PTPRQ: variants seen among roughly 807,000 people sequenced by gnomAD.
The protein encoded by PTPRQ is phosphatidylinositol phosphatase PTPRQ.
PTPRQ carries 199 observed loss-of-function variants against 246.0 expected under a neutral mutation model. The observed-to-expected ratio is 0.81, with a 90% CI of 0.72 to 0.91. PTPRQ has a LOEUF of 0.91. Ranked by LOEUF, PTPRQ falls within the 40% of genes least tolerant of loss-of-function variation. The probability of loss-of-function intolerance (pLI) is 0.00; values close to 1 mark genes in which losing one functional copy is unlikely to be tolerated. For synonymous variants in PTPRQ, 869 were observed against 853.2 expected (o/e 1.02, Z -0.32); for missense variants, 2,624 against 2,528.4 (o/e 1.04, Z -0.81).
chr12:80,662,816 A>C (rs1900673403), intron 39 of PTPRQ, among the ~76,000 whole-genome samples: 1 of 151,978 alleles, frequency 6.6e-6, no homozygotes, highest in Non-Finnish European at 1.5e-5. Flanking sequence ...AGCTTTAAAA[A>C]CCAGTAAACT....
In PTPRQ at chr12:80,459,273, C is replaced by T. The variant is rs1306485740; in HGVS notation, c.461-11C>T. ...CAAAGTTTTTTCCTTCCCAATCTTT[C>T]TCTTCCCCAGCTCCAGGAAAAGTGG... is the stretch of plus-strand genomic sequence containing the variant. On this transcript the variant is annotated splice_polypyrimidine_tract_variant and intron_variant, in intron 4 of 44. Transcript: ENST00000644991. 2 of 398,216 alleles carry T rather than the reference C, an allele frequency of 5.0e-6. No individual in the cohort carries two copies. The highest frequency in any genetic ancestry group is 8.9e-6 in the Non-Finnish European group (2 of 225,874). The allele number at this position is 398,216 out of a possible 1,614,324, so 24.7% of individuals were successfully genotyped here. A position where few individuals can be genotyped will look rare whatever the true frequency, so the allele number is the denominator to read the frequency against.
intron 26 of PTPRQ, among the ~76,000 whole-genome samples, chr12:80,600,893 A>T (rs900384675): frequency 2.0e-5 from 3 of 151,634 alleles, no homozygotes; most frequent in Admixed American, 6.6e-5. Context: ...TTCCTCTCGG[A>T]TTCTCTCATT....
At chr12:80,523,166 G>A (rs1315791423) in intron 17 of PTPRQ, among the ~76,000 whole-genome samples, 2 of 152,006 alleles carry the variant, frequency 1.3e-5, no homozygotes, top group African/African-American at 4.8e-5. Context: ...TGTTTATAGT[G>A]TTCTCTCATG....
chr12:80,596,492 C>G (rs1488379454), intron 26 of PTPRQ, among the ~76,000 whole-genome samples: 2 of 151,402 alleles, frequency 1.3e-5, no homozygotes, highest in African/African-American at 2.4e-5. Context: ...AAATTTTCTC[C>G]CCATTAATAG....
chr12:80,526,194 G>A (rs1429148532), intron 17 of PTPRQ, among the ~76,000 whole-genome samples: 2 of 152,124 alleles, frequency 1.3e-5, no homozygotes, highest in African/African-American at 2.4e-5. Flanking sequence ...TGGAGACAGG[G>A]TATGAATTGG....
At chr12:80,571,808 G>T (rs1238150994) in intron 25 of PTPRQ, among the ~76,000 whole-genome samples, 2 of 151,770 alleles carry the variant, frequency 1.3e-5, no homozygotes, top group Non-Finnish European at 2.9e-5. Context: ...ATAATAAATT[G>T]ATATAGGTCA....
chr12:80,450,506 C>A (rs1287391197), intron 3 of PTPRQ, among the ~76,000 whole-genome samples: 1 of 152,158 alleles, frequency 6.6e-6, no homozygotes, highest in East Asian at 1.9e-4. Context: ...ATGATATTGG[C>A]TGTGGGTTTG....
chr12:80,605,869 G>C lies in PTPRQ; in HGVS notation c.4731+689G>C, dbSNP rs148969397. Among the ~76,000 whole-genome samples, 367 of 151,232 alleles carry C rather than the reference G, an allele frequency of 2.4e-3. 1 individual carries two copies. The highest frequency in any genetic ancestry group is 8.0e-3 in the African/African-American group (330 of 41,434). On this transcript the variant is annotated intron_variant, in intron 27 of 44. Transcript: ENST00000644991. The stretch of plus-strand genomic sequence containing the variant: ...CCAGTTGGTGATACAGATTTCTACT[G>C]TATAACATAGGCATGGTTGCAGTGT...
chr12:80,473,692 T>A (rs970338014), intron 8 of PTPRQ, among the ~76,000 whole-genome samples: 2 of 152,206 alleles, frequency 1.3e-5, no homozygotes, highest in African/African-American at 4.8e-5. Context: ...TACAATGTCA[T>A]GTTATTTGTC....
chr12:80,666,372 G>A (rs371905761), intron 39 of PTPRQ, among the ~76,000 whole-genome samples: 43 of 151,994 alleles, frequency 2.8e-4, no homozygotes, highest in African/African-American at 8.4e-4. Flanking sequence ...AGTTGATCTC[G>A]TGAAAGTAGA....
chr12:80,447,358 CT>C (rs1892585204), intron 3 of PTPRQ, among the ~76,000 whole-genome samples: 2 of 152,122 alleles, frequency 1.3e-5, no homozygotes, highest in African/African-American at 4.8e-5. Flanking sequence ...TCTGTTTACT[CT>C]GTTAATTATT....
intron 27 of PTPRQ, among the ~76,000 whole-genome samples, chr12:80,606,925 A>T (rs985126945): frequency 1.3e-4 from 19 of 151,098 alleles, no homozygotes; most frequent in African/African-American, 3.9e-4. Context: ...AAGGCACTTT[A>T]TTAATGAAAA....
At chr12:80,553,889 T>C (rs561030231) in intron 25 of PTPRQ, among the ~76,000 whole-genome samples, 86 of 152,320 alleles carry the variant, frequency 5.6e-4, no homozygotes, top group Admixed American at 1.4e-3. Flanking sequence ...CTTATTCATT[T>C]TACTATCAAA....
Position 80,549,723 on chromosome 12 carries a change from T to C in PTPRQ, c.4274T>C (p.Leu1425Pro). The C allele has an allele frequency of 6.5e-7, 1 of 1,541,446 alleles. No homozygotes were observed. The highest frequency in any genetic ancestry group is 2.5e-5 in the East Asian group (1 of 40,772). ...GAAAGCACATGCCATGTCAGCACAC[T>C]ACCTGAAACAGGTAACTAACGTGAA... ...GDESTCHVST[L>P]PETVPSVPTN... The change falls in exon 25 of 45, where the codon CTA (leucine) becomes CCA (proline). Residue 1425 changes from leucine to proline, a missense_variant. Coordinates refer to ENST00000644991, the MANE Select transcript of PTPRQ (RefSeq NM_001145026.2).
At chr12:80,668,550 T>C (rs1402588845) in intron 39 of PTPRQ, among the ~76,000 whole-genome samples, 1 of 151,868 alleles carries the variant, frequency 6.6e-6, no homozygotes, top group Non-Finnish European at 1.5e-5. Flanking sequence ...GAGCTGGTTC[T>C]GGGCTCAACC....
Position 80,613,805 on chromosome 12 carries a change from G to C in PTPRQ, c.5132G>C (p.Gly1711Ala), listed in dbSNP as rs1293609921. ...TNTFVIAMLEGLKGGHTYNIS... is the reference protein window; with the variant it reads ...TNTFVIAMLEALKGGHTYNIS... Reference sequence around the variant, plus strand: ...ACATTCGTCATTGCAATGCTAGAAGGACTAAAAGGTGGACATACATACAAT... The same window carrying C: ...ACATTCGTCATTGCAATGCTAGAAGCACTAAAAGGTGGACATACATACAAT... Residue 1711 changes from glycine (G) to alanine (A), a missense_variant, in exon 29 of 45, where the codon GGA becomes GCA. Physicochemically the swap from Gly to Ala is moderately conservative, Grantham distance 60. Coordinates refer to ENST00000644991, the MANE Select transcript of PTPRQ (RefSeq NM_001145026.2). 6.5e-7 allele frequency: 1 copy of C among 1,539,016 alleles called. No homozygotes were observed. The highest frequency in any genetic ancestry group is 2.5e-5 in the East Asian group (1 of 40,444).
chr12:80,477,147 C>T (rs1393025531), intron 8 of PTPRQ, among the ~76,000 whole-genome samples: 1 of 152,040 alleles, frequency 6.6e-6, no homozygotes, highest in East Asian at 1.9e-4. Flanking sequence ...TAGTTTGTTC[C>T]TATTTTTATT....
intron 33 of PTPRQ, 145 bp downstream of exon 33, chr12:80,622,279 G>C: frequency 1.3e-6 from 1 of 760,500 alleles, no homozygotes; most frequent in South Asian, 4.8e-5. Flanking sequence ...AATATTTGTG[G>C]GTTTTTAAAA....
intron 41 of PTPRQ, among the ~76,000 whole-genome samples, chr12:80,670,070 CT>C (rs758803930): frequency 7.9e-5 from 12 of 152,096 alleles, no homozygotes; most frequent in Non-Finnish European, 1.3e-4. Flanking sequence ...ACCTATTATT[CT>C]GAGTGCTACA....
Sources: gnomAD v4.1 joint callset for allele counts (sites outside exome capture counted in the v4.1 genomes callset) on GRCh38, gnomAD v4.1.1 for gene constraint, MANE v1.5 for transcripts, NCBI Gene and HGNC (gene_info 2026-07-23, HGNC 2026-07-21) for gene names.